The following ACSBG2 variants were observed in gnomAD, a reference collection of about 807,000 sequenced individuals.
ACSBG2 encodes the protein acyl-CoA synthetase bubblegum family member 2, also known as long-chain-fatty-acid--CoA ligase ACSBG2.
ACSBG2 carries 62 observed loss-of-function variants against 74.7 expected under a neutral mutation model. The observed-to-expected ratio is 0.83, with a 90% CI of 0.68 to 1.03. The LOEUF is 1.03. ACSBG2 is among the 50% of genes least tolerant of loss of function. ACSBG2 has a pLI of 0.00. For missense variants in ACSBG2, 730 were observed against 817.6 expected (o/e 0.89, Z 1.31); for synonymous variants, 309 against 294.1 (o/e 1.05, Z -0.52).
intron 2 of ACSBG2, among the ~76,000 whole-genome samples, chr19:6,146,341 G>A (rs992215553): frequency 2.0e-4 from 31 of 152,060 alleles, no homozygotes; most frequent in African/African-American, 7.2e-4. Context: ...GTGGTGGCGG[G>A]TGCCTGTAAT....
At chr19:6,165,689 G>A (rs1436385837) in intron 6 of ACSBG2, among the ~76,000 whole-genome samples, 177 bp from the exon 7 acceptor site, 2 of 152,216 alleles carry the variant, frequency 1.3e-5, no homozygotes, top group African/African-American at 4.8e-5. Flanking sequence ...GCGAGGAAGT[G>A]GCAGAACTGG....
At chr19:6,176,501 C>G in intron 7 of ACSBG2, 1 of 892,830 alleles carries the variant, frequency 1.1e-6, no homozygotes, top group Non-Finnish European at 1.6e-6. Context: ...AAACAACACA[C>G]ACACACACAC....
intron 7 of ACSBG2, among the ~76,000 whole-genome samples, chr19:6,167,396 T>C (rs1382414174): frequency 1.3e-5 from 2 of 152,168 alleles, no homozygotes; most frequent in African/African-American, 4.8e-5. Flanking sequence ...CAATGGAAGA[T>C]TGCAAAAGTC....
At chr19:6,139,020 T>C (rs973190847) in intron 1 of ACSBG2, among the ~76,000 whole-genome samples, 3 of 152,186 alleles carry the variant, frequency 2.0e-5, no homozygotes, top group African/African-American at 7.2e-5. Flanking sequence ...GTCCTGCTGA[T>C]TGATCTACTT....
chr19:6,187,347 GA>G lies in ACSBG2; in HGVS notation c.1607del (p.Lys536ArgfsTer10). 6 of 1,614,138 alleles carry G rather than the reference GA, an allele frequency of 3.7e-6. No individual in the cohort carries two copies. The highest frequency in any genetic ancestry group is 5.1e-6 in the Non-Finnish European group (6 of 1,180,030). Reference sequence around the variant, plus strand: ...TTCCTGTTGAGACCTTGGTTAAGAAGAAGATCCCCATCATCAGTAACGCCAT... The same window carrying G: ...TTCCTGTTGAGACCTTGGTTAAGAAGAGATCCCCATCATCAGTAACGCCAT... ...PIPVETLVKK[K>X]IPIISNAMLV... On this transcript the variant is annotated frameshift_variant, in exon 12 of 15. Coordinates refer to ENST00000588485, the MANE Select transcript of ACSBG2 (RefSeq NM_030924.5). LOFTEE classifies it high-confidence loss of function.
rs58730661 is a variant in ACSBG2, at chr19:6,190,812, T to TACACACACACACACACAC, written c.*35+143_*35+160dup. 1.6e-4 allele frequency: 54 copies of TACACACACACACACACAC among 336,804 alleles called. 1 individual carries two copies. Among genetic ancestry groups the TACACACACACACACACAC allele is most frequent in the Non-Finnish European group, 1.9e-4 (33 of 174,398 alleles). 20.9% of individuals were successfully genotyped at this position (336,804 alleles called of 1,614,324 possible). A position where few individuals can be genotyped will look rare whatever the true frequency, so the allele number is the denominator to read the frequency against. On this transcript the variant is annotated intron_variant, in intron 14 of 14. Transcript: ENST00000588485. ...GAAAACACACACATACACACATACATACACACACACACACACACACACACA... is the reference window on the plus strand; with the variant it reads ...GAAAACACACACATACACACATACATACACACACACACACACACACACACACACACACACACACACACA...
chr19:6,165,837 C>A, intron 6 of ACSBG2, 29 bp from the exon 7 acceptor site: 3 of 1,612,764 alleles, frequency 1.9e-6, no homozygotes. Context: ...ACTGCCTTCT[C>A]ATCCTCCGCT....
chr19:6,187,132 G>A lies in ACSBG2; in HGVS notation c.1541-151G>A, dbSNP rs1210165914. Reference sequence around the variant, plus strand: ...TGATTCTCCTGCCTCAACCTCCCGAGTAGCTGGGATTACAGGTGCACACCA... The same window carrying A: ...TGATTCTCCTGCCTCAACCTCCCGAATAGCTGGGATTACAGGTGCACACCA... On this transcript the variant is annotated intron_variant, in intron 11 of 14. Coordinates refer to ENST00000588485, the MANE Select transcript of ACSBG2 (RefSeq NM_030924.5). 7.0e-6 allele frequency: 7 copies of A among 993,154 alleles called. No individual in the cohort carries two copies. In the East Asian group the frequency reaches 1.8e-4, roughly 26 times the overall value. The allele number at this position is 993,154 out of a possible 1,614,324, so 61.5% of individuals were successfully genotyped here.
chr19:6,139,168 A>AC (rs1352852900), intron 1 of ACSBG2, among the ~76,000 whole-genome samples: 1 of 151,770 alleles, frequency 6.6e-6, no homozygotes, highest in Non-Finnish European at 1.5e-5. Context: ...GCTCACTACA[A>AC]CCTTCACCTC....
At position 6,192,071 on chromosome 19, in the gene ACSBG2, C is replaced by CAAAAAAAAAAAA. The variant is rs397859531; in HGVS notation, c.*36-583_*36-572dup. On this transcript the variant is annotated intron_variant, in intron 14 of 14. Transcript: ENST00000588485. ...ACACTGGGCTTCAAAAGCACAGCAC[C>CAAAAAAAAAAAA]AAAAAAAAAAAAAAAAAAAAAAAAA... The CAAAAAAAAAAAA allele has an allele frequency of 1.6e-3, 91 of 57,446 alleles. 5 individuals are homozygous for CAAAAAAAAAAAA. The highest frequency in any genetic ancestry group is 5.6e-3 in the African/African-American group (66 of 11,694). 3.6% of individuals were successfully genotyped at this position (57,446 alleles called of 1,614,324 possible). A position where few individuals can be genotyped will look rare whatever the true frequency, so the allele number is the denominator to read the frequency against.
chr19:6,169,989 T>A (rs1015338803), intron 7 of ACSBG2, among the ~76,000 whole-genome samples: 5 of 152,154 alleles, frequency 3.3e-5, no homozygotes, highest in African/African-American at 1.2e-4. Context: ...ATCTTTAGGG[T>A]TTTCTAGATG....
intron 7 of ACSBG2, chr19:6,176,511 CG>C: frequency 1.3e-6 from 1 of 744,808 alleles, no homozygotes; most frequent in Non-Finnish European, 2.0e-6. Context: ...CACACACACA[CG>C]CACTCAGCCA....
At chr19:6,142,962 G>C (rs967930815) in intron 2 of ACSBG2, among the ~76,000 whole-genome samples, 2 of 152,072 alleles carry the variant, frequency 1.3e-5, no homozygotes, top group African/African-American at 4.8e-5. Context: ...GTTCACATCT[G>C]TAGTTTCAGC....
intron 14 of ACSBG2, among the ~76,000 whole-genome samples, 158 bp from the exon 15 acceptor site, chr19:6,192,510 A>G (rs16993457): frequency 0.053 from 8,121 of 152,244 alleles, 479 homozygotes; most frequent in African/African-American, 0.15. Flanking sequence ...GTGCCACTCT[A>G]AAGTTCATTG....
chr19:6,159,366 CCTT>C (rs751151437), intron 5 of ACSBG2, among the ~76,000 whole-genome samples: 15 of 152,288 alleles, frequency 9.8e-5, no homozygotes, highest in Non-Finnish European at 2.2e-4. Context: ...TGGGTGGGGT[CCTT>C]CTTCCAGCTG....
At chr19:6,176,078 AT>A (rs1048226966) in intron 7 of ACSBG2, 1 of 324,306 alleles carries the variant, frequency 3.1e-6, no homozygotes, top group African/African-American at 2.2e-5. Flanking sequence ...TGCCTGCTAA[AT>A]TTTGCAACTC....
rs191453583 is a variant in ACSBG2 at position 6,154,323 on chromosome 19, G to A, written c.387-2108G>A. Among the ~76,000 whole-genome samples, 61 of 150,496 alleles carry A rather than the reference G, an allele frequency of 4.1e-4. 1 individual carries two copies. The East Asian group carries it at 8.1e-3, about 20-fold the overall frequency. On this transcript the variant is annotated intron_variant, in intron 4 of 14. Transcript: ENST00000588485. ...TGAGGCAGGAGAATCACTTGAACCC[G>A]GGACGCAGAGGTTGCAGTGAGCCGA...
At position 6,187,834 on chromosome 19, in the gene ACSBG2, G is replaced by A. The variant is rs1429839092; in HGVS notation, c.1916G>A (p.Gly639Asp). 7 of 1,614,030 alleles carry A rather than the reference G, an allele frequency of 4.3e-6. No homozygotes were observed. The Admixed American group carries it at 5.0e-5, about 12-fold the overall frequency. The change falls in exon 13 of 15, where the codon GGT becomes GAT. Residue 639 changes from glycine to aspartate, a missense_variant. Gly to Asp is a moderately conservative substitution (Grantham distance 94). Transcript: ENST00000588485. ...TTGGAGAAGGACTTTTCCATCTATG[G>A]TGGAGAGCTAGGTGAGTGGCCATGA... is the stretch of plus-strand genomic sequence containing the variant. ...VILEKDFSIYGGELGPMMKLK... is the reference protein window; with the variant it reads ...VILEKDFSIYDGELGPMMKLK...
chr19:6,186,837 T>C (rs2090420307), intron 11 of ACSBG2, among the ~76,000 whole-genome samples: 6 of 151,874 alleles, frequency 4.0e-5, no homozygotes, highest in Admixed American at 3.9e-4. Flanking sequence ...CCTGAGTAAC[T>C]AGGACTACAG....
Sources: allele counts gnomAD v4.1 joint callset (sites outside exome capture counted in the v4.1 genomes callset), GRCh38; gene constraint gnomAD v4.1.1; transcripts MANE v1.5; gene names NCBI Gene and HGNC (gene_info 2026-07-23, HGNC 2026-07-21).